ARHGAP15: variants seen among roughly 807,000 people sequenced by gnomAD.
ARHGAP15 encodes Rho GTPase activating protein 15, also known as rho GTPase-activating protein 15.
Under a neutral mutation model 63.7 loss-of-function variants are expected in ARHGAP15, and 51 were observed. The observed-to-expected ratio is 0.80, with a 90% CI of 0.64 to 1.01. The LOEUF (loss-of-function observed/expected upper bound fraction) is 1.01, where lower values mean the gene tolerates loss of function less well. Ranked by LOEUF, ARHGAP15 falls within the 50% of genes least tolerant of loss-of-function variation. The pLI, the probability that ARHGAP15 is intolerant of heterozygous loss-of-function variation, is 0.00. For synonymous variants in ARHGAP15, 191 were observed against 193.8 expected (o/e 0.99, Z 0.12); for missense variants, 560 against 564.6 (o/e 0.99, Z 0.08).
At chr2:143,148,682 T>TAA (rs1178934795) in intron 1 of ARHGAP15, among the ~76,000 whole-genome samples, 24 of 152,194 alleles carry the variant, frequency 1.6e-4, no homozygotes, top group African/African-American at 5.5e-4. Flanking sequence ...TTCCTATATA[T>TAA]AACACCTGCC....
intron 8 of ARHGAP15, among the ~76,000 whole-genome samples, chr2:143,439,422 CAAAAAAAAAAAA>C (rs529113949): frequency 1.3e-4 from 4 of 31,736 alleles, no homozygotes; most frequent in East Asian, 2.1e-3. Flanking sequence ...GACTCTGTCT[CAAAAAAAAAAAA>C]AAAAAAAAAA....
At chr2:143,542,735 A>AGT (rs1695141825) in intron 10 of ARHGAP15, among the ~76,000 whole-genome samples, 1 of 90,766 alleles carries the variant, frequency 1.1e-5, no homozygotes. Flanking sequence ...TCACATATAT[A>AGT]ATATATATAT....
intron 5 of ARHGAP15, among the ~76,000 whole-genome samples, chr2:143,248,110 A>G (rs191211075): frequency 2.0e-5 from 3 of 152,340 alleles, no homozygotes; most frequent in South Asian, 2.1e-4. Flanking sequence ...ATAAAAATAT[A>G]TATGTTAATT....
chr2:143,277,982 T>C (rs981575809), intron 6 of ARHGAP15, among the ~76,000 whole-genome samples: 12 of 152,178 alleles, frequency 7.9e-5, no homozygotes, highest in Admixed American at 7.9e-4. Flanking sequence ...CAGAAGTAAT[T>C]CTGAAAACAA....
intron 6 of ARHGAP15, among the ~76,000 whole-genome samples, chr2:143,261,812 C>T (rs2105018047): frequency 6.6e-6 from 1 of 152,222 alleles, no homozygotes; most frequent in East Asian, 1.9e-4. Flanking sequence ...TAAGAACTAG[C>T]AAGAGTGAAA....
At chr2:143,183,032 G>A (rs1204059662) in intron 2 of ARHGAP15, among the ~76,000 whole-genome samples, 1 of 152,156 alleles carries the variant, frequency 6.6e-6, no homozygotes, top group Non-Finnish European at 1.5e-5. Flanking sequence ...AAAGGAGAGA[G>A]GGAAGGGCTA....
At chr2:143,767,949 A>AAACT in intron 13 of ARHGAP15, 40 bp from the exon 14 acceptor site, 1 of 1,589,396 alleles carries the variant, frequency 6.3e-7, no homozygotes, top group Non-Finnish European at 8.6e-7. Flanking sequence ...ACTTCACTTC[A>AAACT]AACTCCAGTG....
chr2:143,158,440 AAAGC>A (rs1288120132), intron 2 of ARHGAP15, among the ~76,000 whole-genome samples: 2 of 152,092 alleles, frequency 1.3e-5, no homozygotes, highest in East Asian at 3.9e-4. Flanking sequence ...ATGTTGCAGG[AAAGC>A]ATCTCAGTAA....
intron 8 of ARHGAP15, among the ~76,000 whole-genome samples, chr2:143,445,741 T>C (rs1311537030): frequency 6.6e-6 from 1 of 152,172 alleles, no homozygotes; most frequent in Non-Finnish European, 1.5e-5. Flanking sequence ...CATCATCCAT[T>C]CTAACACCCT....
intron 9 of ARHGAP15, among the ~76,000 whole-genome samples, chr2:143,502,978 T>C (rs1358772693): frequency 6.6e-6 from 1 of 151,866 alleles, no homozygotes; most frequent in African/African-American, 2.4e-5. Flanking sequence ...ACCAGGACCA[T>C]GGACATCGAT....
intron 2 of ARHGAP15, among the ~76,000 whole-genome samples, chr2:143,192,801 G>T (rs1416839034): frequency 6.6e-6 from 1 of 152,138 alleles, no homozygotes; most frequent in East Asian, 1.9e-4. Flanking sequence ...TTCCCTTGCT[G>T]TTGTATGTGC....
At chr2:143,411,692 T>C (rs1042774301) in intron 6 of ARHGAP15, among the ~76,000 whole-genome samples, 1 of 152,192 alleles carries the variant, frequency 6.6e-6, no homozygotes, top group Non-Finnish European at 1.5e-5. Context: ...TGGAGATACA[T>C]TGGTAACTAA....
intron 8 of ARHGAP15, among the ~76,000 whole-genome samples, chr2:143,443,118 G>A (rs556028228): frequency 6.6e-5 from 10 of 152,190 alleles, no homozygotes; most frequent in Non-Finnish European, 1.0e-4. Context: ...ATTATCAATT[G>A]TTAAAACACA....
intron 11 of ARHGAP15, among the ~76,000 whole-genome samples, chr2:143,586,315 A>G (rs1697105988): frequency 6.6e-6 from 1 of 151,872 alleles, no homozygotes; most frequent in Admixed American, 6.6e-5. Flanking sequence ...GTCCTTCTGT[A>G]TTTTCAAAAC....
chr2:143,349,000 GT>G (rs765758448), intron 6 of ARHGAP15, among the ~76,000 whole-genome samples: 1 of 152,164 alleles, frequency 6.6e-6, no homozygotes, highest in Non-Finnish European at 1.5e-5. Flanking sequence ...TAAGAGAAAT[GT>G]GGGTACTGGA....
In ARHGAP15 at chr2:143,505,220, A is replaced by G. The variant is rs138279488; in HGVS notation, c.827-14046A>G. Reference sequence around the variant, plus strand: ...CATGGTGGCGAACATCATTCTGCCAATACAGTAGGCAGATCCAACTGAGAT... The same window carrying G: ...CATGGTGGCGAACATCATTCTGCCAGTACAGTAGGCAGATCCAACTGAGAT... On this transcript the variant is annotated intron_variant, in intron 9 of 13. Coordinates refer to ENST00000295095, the MANE Select transcript of ARHGAP15 (RefSeq NM_018460.4). Among the ~76,000 whole-genome samples the G allele has an allele frequency of 8.7e-4, 133 of 152,270 alleles. No homozygotes were observed. In the East Asian group the frequency reaches 0.022, roughly 25 times the overall value.
At chr2:143,277,947 G>T (rs1408272285) in intron 6 of ARHGAP15, among the ~76,000 whole-genome samples, 1 of 152,134 alleles carries the variant, frequency 6.6e-6, no homozygotes, top group East Asian at 1.9e-4. Flanking sequence ...TACATTGGTT[G>T]ATAGTGGCAG....
In ARHGAP15 at chr2:143,328,233, C is replaced by T. The variant is rs185071343; in HGVS notation, c.474+77633C>T. Among the ~76,000 whole-genome samples the T allele has an allele frequency of 4.4e-3, 668 of 152,242 alleles. 3 individuals are homozygous for T. The highest frequency in any genetic ancestry group is 6.8e-3 in the South Asian group (33 of 4,822). On this transcript the variant is annotated intron_variant, in intron 6 of 13. Coordinates refer to ENST00000295095, the MANE Select transcript of ARHGAP15 (RefSeq NM_018460.4). The stretch of plus-strand genomic sequence containing the variant: ...AGAAATACCATTTGACCTAGCAATC[C>T]CATTACTGAGTATATACCCAATTAA...
chr2:143,583,233 C>G (rs1696980774), intron 11 of ARHGAP15, among the ~76,000 whole-genome samples: 1 of 152,190 alleles, frequency 6.6e-6, no homozygotes. Context: ...ATATGAGTAT[C>G]ATGCTACCAA....
Sources: allele counts gnomAD v4.1 joint callset (sites outside exome capture counted in the v4.1 genomes callset), GRCh38; gene constraint gnomAD v4.1.1; transcripts MANE v1.5; gene names NCBI Gene and HGNC (gene_info 2026-07-23, HGNC 2026-07-21).